NBPF26: variants seen among roughly 807,000 people sequenced by gnomAD.
NBPF26 encodes NBPF member 26.
A neutral mutation model predicts 119.6 loss-of-function variants in NBPF26; 79 were observed. The ratio of observed to expected loss-of-function variants is 0.66; its 90% CI spans 0.55 to 0.80. NBPF26 has a LOEUF of 0.80. NBPF26 is among the 30% of genes least tolerant of loss of function. The pLI, the probability that NBPF26 is intolerant of heterozygous loss-of-function variation, is 0.00. For missense variants in NBPF26, 800 were observed against 1,198.2 expected (o/e 0.67, Z 4.91); for synonymous variants, 299 against 457.7 (o/e 0.65, Z 4.43).
At chr1:120,751,096 GTGA>G (rs1253759463) in intron 1 of NBPF26, among the ~76,000 whole-genome samples, 2 of 82,622 alleles carry the variant, frequency 2.4e-5, no homozygotes, top group East Asian at 5.6e-4. Flanking sequence ...ATGTGATGAG[GTGA>G]TGATGGGAAG....
At chr1:120,807,923 T>A (rs1651743490) in intron 6 of NBPF26, among the ~76,000 whole-genome samples, 1 of 121,468 alleles carries the variant, frequency 8.2e-6, no homozygotes, top group African/African-American at 4.0e-5. Flanking sequence ...TTTTCTCTTT[T>A]TCAAACAAGT....
chr1:120,784,399 A>G (rs1651399165), intron 2 of NBPF26, among the ~76,000 whole-genome samples: 1 of 115,464 alleles, frequency 8.7e-6, no homozygotes, highest in East Asian at 2.1e-4. Context: ...GCTCTCATCT[A>G]TTTTCTGCTG....
chr1:120,817,098 C>A lies in NBPF26; in HGVS notation c.2371+271C>A, dbSNP rs1652026025. Among the ~76,000 whole-genome samples the A allele has an allele frequency of 1.7e-5, 2 of 117,160 alleles. 1 individual carries two copies. Among genetic ancestry groups the A allele is most frequent in the South Asian group, 4.9e-4 (2 of 4,064 alleles). 76.9% of individuals were successfully genotyped at this position (117,160 alleles called of 152,430 possible). A position where few individuals can be genotyped will look rare whatever the true frequency, so the allele number is the denominator to read the frequency against. ...AGGCAGTATCTGTCAGGCCTCCTAG[C>A]TTCGATTCAATATCTCTTGTCATCT... On this transcript the variant is annotated intron_variant, in intron 14 of 29. Coordinates refer to ENST00000620612, the Ensembl canonical transcript of NBPF26.
Position 120,783,868 on chromosome 1 carries a change from T to A in NBPF26, c.156-1106T>A, listed in dbSNP as rs1355225453. Among the ~76,000 whole-genome samples, 64 of 104,036 alleles carry A rather than the reference T, an allele frequency of 6.2e-4. 14 individuals carry two copies. Among genetic ancestry groups the A allele is most frequent in the African/African-American group, 3.3e-3 (54 of 16,260 alleles). The allele number at this position is 104,036 out of a possible 152,430, so 68.3% of individuals were successfully genotyped here. On this transcript the variant is annotated intron_variant, in intron 2 of 29. Coordinates refer to ENST00000620612, the Ensembl canonical transcript of NBPF26. ...AAAATGATTAAAACGGTACATGGAG[T>A]GGTTAGCAATTCTCCCTATAGGAGA...
chr1:120,766,027 G>A (rs1372789028), intron 2 of NBPF26, among the ~76,000 whole-genome samples: 1 of 32,896 alleles, frequency 3.0e-5, no homozygotes, highest in Non-Finnish European at 5.4e-5. Flanking sequence ...AATACCTAAT[G>A]CACGTGGGGC....
In NBPF26 at chr1:120,790,588, CTT is replaced by C. The variant is rs1651480144; in HGVS notation, c.416-2571_416-2570del. 4.0e-5 allele frequency among the ~76,000 whole-genome samples: 4 copies of C among 101,046 alleles called. No individual in the cohort carries two copies. In the Middle Eastern group the frequency reaches 0.012, roughly 306 times the overall value. 66.3% of individuals were successfully genotyped at this position (101,046 alleles called of 152,430 possible). ...TCTTTCTTTCTTTCTTTCTTTCTTT[CTT>C]TCTCTTTCTCTCTCTTTCCCTCTCT... On this transcript the variant is annotated intron_variant, in intron 3 of 29. Transcript: ENST00000620612.
chr1:120,815,274 C>A lies in NBPF26; in HGVS notation c.2092+231C>A, dbSNP rs1553271625. On this transcript the variant is annotated intron_variant, in intron 12 of 29. Transcript: ENST00000620612. Reference sequence around the variant, plus strand: ...CCTTGATGGAAGGTGGTCTTTGGAGCAAGAGGCAGCATCTATCTAGTTTTA... The same window carrying A: ...CCTTGATGGAAGGTGGTCTTTGGAGAAAGAGGCAGCATCTATCTAGTTTTA... Among the ~76,000 whole-genome samples the A allele has an allele frequency of 4.3e-5, 5 of 115,836 alleles. 2 individuals carry two copies. The highest frequency in any genetic ancestry group is 8.2e-5 in the Non-Finnish European group (5 of 60,672). 76.0% of individuals were successfully genotyped at this position (115,836 alleles called of 152,430 possible).
In NBPF26 at chr1:120,811,938, C is replaced by T. The variant is rs1161971960; in HGVS notation, c.1617C>T (p.Gly539=). ...ACGTCAGCATGGTGGTATCAGCCGG[C>T]CCTTTGTCCGGCGAGAAGGCAGCGA... Residue 539 remains glycine (G), a synonymous_variant, in exon 10 of 30, where the codon GGC becomes GGT. Coordinates refer to ENST00000620612, the Ensembl canonical transcript of NBPF26. The T allele has an allele frequency of 3.9e-5, 46 of 1,172,586 alleles. 11 individuals are homozygous for T. The South Asian group carries it at 5.1e-4, about 13-fold the overall frequency. 72.6% of individuals were successfully genotyped at this position (1,172,586 alleles called of 1,614,324 possible).
chr1:120,806,485 C>T lies in NBPF26; in HGVS notation c.961+720C>T, dbSNP rs1329008900. Among the ~76,000 whole-genome samples, 4 of 119,918 alleles carry T rather than the reference C, an allele frequency of 3.3e-5. 1 individual carries two copies. The highest frequency in any genetic ancestry group is 4.0e-4 in the East Asian group (2 of 4,970). 78.7% of individuals were successfully genotyped at this position (119,918 alleles called of 152,430 possible). ...GCGGGCAACTGTAATCACCACTAATCGGGAGGCTGAGGCAGAAGAATCCTT... is the reference window on the plus strand; with the variant it reads ...GCGGGCAACTGTAATCACCACTAATTGGGAGGCTGAGGCAGAAGAATCCTT... On this transcript the variant is annotated intron_variant, in intron 5 of 29. Coordinates refer to ENST00000620612, the Ensembl canonical transcript of NBPF26.
intron 19 of NBPF26, among the ~76,000 whole-genome samples, chr1:120,829,994 T>C (rs1278550626): frequency 2.5e-5 from 3 of 121,428 alleles, no homozygotes; most frequent in South Asian, 2.3e-4. Flanking sequence ...CCTCCCCTTA[T>C]CATTTACTAA....
chr1:120,820,487 T>C lies in NBPF26; in HGVS notation c.2424-1617T>C, dbSNP rs1301441049. On this transcript the variant is annotated intron_variant, in intron 15 of 29. Transcript: ENST00000620612. ...ATATATATATATATATATATATATA[T>C]ATACATACACACAAAAAATAATAAA... Among the ~76,000 whole-genome samples the C allele has an allele frequency of 4.4e-4, 11 of 24,924 alleles. 3 individuals are homozygous for C. The highest frequency in any genetic ancestry group is 9.4e-4 in the Non-Finnish European group (10 of 10,670). 16.4% of individuals were successfully genotyped at this position (24,924 alleles called of 152,430 possible). A position where few individuals can be genotyped will look rare whatever the true frequency, so the allele number is the denominator to read the frequency against.
chr1:120,733,237 G>A (rs1650883382), intron 1 of NBPF26, among the ~76,000 whole-genome samples: 1 of 95,348 alleles, frequency 1.0e-5, no homozygotes, highest in Admixed American at 1.1e-4. Context: ...CATTTGATAA[G>A]TGGTAAATAT....
intron 14 of NBPF26, among the ~76,000 whole-genome samples, chr1:120,817,132 G>T (rs1368973554): frequency 8.6e-6 from 1 of 116,358 alleles, no homozygotes; most frequent in Non-Finnish European, 1.6e-5. Context: ...CTGTGATTAA[G>T]TCATCTGTCC....
At position 120,758,980 on chromosome 1, in the gene NBPF26, C is replaced by T. The variant is rs1279394749; in HGVS notation, c.74-4648C>T. ...GGGTTTTGTTTCCAATGGAACTTAT[C>T]GCTTATTACTGTCCTAAATTATTTT... On this transcript the variant is annotated intron_variant, in intron 1 of 29. Transcript: ENST00000620612. Among the ~76,000 whole-genome samples the T allele has an allele frequency of 5.5e-5, 6 of 109,978 alleles. 1 individual carries two copies. Among genetic ancestry groups the T allele is most frequent in the Admixed American group, 8.9e-5 (1 of 11,292 alleles). The allele number at this position is 109,978 out of a possible 152,430, so 72.1% of individuals were successfully genotyped here.
rs1369914094 is a variant in NBPF26, at chr1:120,807,826, T to C, written c.1064+117T>C. ...GCCAGGGGAAGGGCAGGAATTGCCA[T>C]GGCAGGCTCGCTACACACAAATATT... On this transcript the variant is annotated intron_variant, in intron 6 of 29. Coordinates refer to ENST00000620612, the Ensembl canonical transcript of NBPF26. 4.5e-5 allele frequency: 24 copies of C among 536,176 alleles called. 4 individuals carry two copies. The Admixed American group carries it at 7.8e-4, about 18-fold the overall frequency. 33.2% of individuals were successfully genotyped at this position (536,176 alleles called of 1,614,324 possible).
At chr1:120,793,576 T>C in intron 4 of NBPF26, 80 bp downstream of exon 4, 1 of 1,075,938 alleles carries the variant, frequency 9.3e-7, no homozygotes, top group Non-Finnish European at 1.3e-6. Context: ...AATTGCATTT[T>C]TTAGGAAGCG....
At position 120,812,177 on chromosome 1, in the gene NBPF26, A is replaced by G. The variant is rs1473571450; in HGVS notation, c.1774+82A>G. 9 of 910,254 alleles carry G rather than the reference A, an allele frequency of 9.9e-6. 2 individuals are homozygous for G. The East Asian group carries it at 2.0e-4, about 20-fold the overall frequency. 56.4% of individuals were successfully genotyped at this position (910,254 alleles called of 1,614,324 possible). A position where few individuals can be genotyped will look rare whatever the true frequency, so the allele number is the denominator to read the frequency against. ...TGAGACACTAAATGCTCTCTCCATC[A>G]AAAATAATGTCATCCTCCCCGTACT... On this transcript the variant is annotated intron_variant, in intron 10 of 29. Transcript: ENST00000620612.
Position 120,840,515 on chromosome 1 carries a change from C to G in NBPF26, c.4269C>G (p.Tyr1423Ter), listed in dbSNP as rs1553273534. ...AAGAGCATATCAGCTTCGCCCTTTA[C>G]GTGGACAATAGGTTTTTTACTTTGA... Residue 1423 changes from tyrosine (Y) to a stop codon, truncating the protein, a stop_gained, in exon 30 of 30, where the codon TAC becomes TAG. Transcript: ENST00000620612. LOFTEE classifies it low-confidence loss of function (END_TRUNC). 1.4e-6 allele frequency: 2 copies of G among 1,475,046 alleles called. 1 individual carries two copies. Among genetic ancestry groups the G allele is most frequent in the Non-Finnish European group, 1.8e-6 (2 of 1,089,662 alleles). 91.4% of individuals were successfully genotyped at this position (1,475,046 alleles called of 1,614,324 possible).
rs1652046448 is a variant in NBPF26, at chr1:120,817,991, G to T, written c.2372-132G>T. 4.0e-5 allele frequency: 20 copies of T among 502,620 alleles called. 5 individuals carry two copies. The highest frequency in any genetic ancestry group is 2.0e-5 in the Non-Finnish European group (6 of 295,970). The allele number at this position is 502,620 out of a possible 1,614,324, so 31.1% of individuals were successfully genotyped here. A position where few individuals can be genotyped will look rare whatever the true frequency, so the allele number is the denominator to read the frequency against. ...ACCAAAGTTAATCTAGGACAACCTAGAATATTCCTGTCAGAATCCTTATTC... is the reference window on the plus strand; with the variant it reads ...ACCAAAGTTAATCTAGGACAACCTATAATATTCCTGTCAGAATCCTTATTC... On this transcript the variant is annotated intron_variant, in intron 14 of 29. Coordinates refer to ENST00000620612, the Ensembl canonical transcript of NBPF26.
Sources: gnomAD v4.1 joint callset for allele counts (sites outside exome capture counted in the v4.1 genomes callset) on GRCh38, gnomAD v4.1.1 for gene constraint, MANE v1.5 for transcripts, NCBI Gene and HGNC (gene_info 2026-07-23, HGNC 2026-07-21) for gene names.